The following DPYD variants were observed in gnomAD, a reference collection of about 807,000 sequenced individuals.
The protein encoded by DPYD is dihydropyrimidine dehydrogenase.
A neutral mutation model predicts 116.2 loss-of-function variants in DPYD; 109 were observed. The observed-to-expected ratio is 0.94, with a 90% CI of 0.80 to 1.10. DPYD has a LOEUF of 1.10. Among genes scored for constraint, DPYD ranks in the 50% least tolerant of loss-of-function variants. DPYD has a pLI of 0.00. For missense variants in DPYD, 1,302 were observed against 1,254.5 expected, an observed-to-expected ratio of 1.04 and a Z score of -0.57; for synonymous variants, 440 against 432.0, an observed-to-expected ratio of 1.02 and a Z score of -0.23.
chr1:97,579,158 C>G (rs1293522488), intron 10 of DPYD, among the ~76,000 whole-genome samples: 1 of 152,090 alleles, frequency 6.6e-6, no homozygotes, highest in African/African-American at 2.4e-5. Context: ...ATATGCCAGT[C>G]AATAAGCCAA....
At chr1:97,757,589 C>T (rs759502088) in intron 3 of DPYD, among the ~76,000 whole-genome samples, 10 of 152,072 alleles carry the variant, frequency 6.6e-5, no homozygotes, top group Non-Finnish European at 8.8e-5. Flanking sequence ...TGAGGATATG[C>T]GTTCCTATCT....
chr1:97,105,930 T>G (rs1471455653), intron 20 of DPYD, among the ~76,000 whole-genome samples: 1 of 152,160 alleles, frequency 6.6e-6, no homozygotes, highest in East Asian at 1.9e-4. Context: ...GAGCTTATCC[T>G]TATATGGCTA....
Position 97,314,787 on chromosome 1 carries a change from C to T in DPYD, c.2059-8490G>A, listed in dbSNP as rs532941579. Among the ~76,000 whole-genome samples the T allele has an allele frequency of 1.1e-3, 172 of 152,104 alleles. 2 individuals are homozygous for T. Among genetic ancestry groups the T allele is most frequent in the Non-Finnish European group, 1.7e-3 (118 of 67,932 alleles). On this transcript the variant is annotated intron_variant, in intron 16 of 22. Coordinates refer to ENST00000370192, the MANE Select transcript of DPYD (RefSeq NM_000110.4). ...CCGGCTAATCCCAACAGGAAATCCA[C>T]GGCCTCACCTGGCCATGGTAATGAA... is the stretch of plus-strand genomic sequence containing the variant.
intron 22 of DPYD, among the ~76,000 whole-genome samples, chr1:97,081,429 A>T (rs987294884): frequency 2.0e-5 from 3 of 152,080 alleles, no homozygotes; most frequent in African/African-American, 7.2e-5. Flanking sequence ...TCTACTTCTT[A>T]AGAAATTCTT....
intron 16 of DPYD, 52 bp from the exon 17 acceptor site, chr1:97,306,349 A>G (rs199930652): frequency 3.7e-6 from 6 of 1,609,162 alleles, no homozygotes; most frequent in Non-Finnish European, 5.1e-6. Context: ...ATTGTGATCA[A>G]AATGTGTACT....
At chr1:97,658,901 T>C (rs1181074826) in intron 8 of DPYD, among the ~76,000 whole-genome samples, 1 of 152,174 alleles carries the variant, frequency 6.6e-6, no homozygotes, top group African/African-American at 2.4e-5. Flanking sequence ...ATAATGCTAG[T>C]TCACTGAACA....
chr1:97,546,684 T>C, intron 12 of DPYD: 3 of 1,613,012 alleles, frequency 1.9e-6, no homozygotes, highest in Non-Finnish European at 1.7e-6. Flanking sequence ...CCATGCCATA[T>C]CATGTGTGTA....
chr1:97,285,650 T>C lies in DPYD; in HGVS notation c.2299+19609A>G, dbSNP rs951243287. ...GAAAATTTCTTGGCCATTCTGACAA[T>C]TGGCTGAAAGTCAACTTTTTATTGT... On this transcript the variant is annotated intron_variant, in intron 18 of 22. Transcript: ENST00000370192. Among the ~76,000 whole-genome samples the C allele has an allele frequency of 9.2e-5, 14 of 151,870 alleles. 1 individual carries two copies. The East Asian group carries it at 2.5e-3, about 27-fold the overall frequency.
At chr1:97,797,327 A>T (rs2101309299) in intron 3 of DPYD, 1 of 152,298 alleles carries the variant, frequency 6.6e-6, no homozygotes, top group East Asian at 1.9e-4. Context: ...ATATTTTTTG[A>T]AATAATTTTG....
chr1:97,817,205 G>T (rs953765681), intron 3 of DPYD, among the ~76,000 whole-genome samples: 1 of 152,050 alleles, frequency 6.6e-6, no homozygotes, highest in Admixed American at 6.6e-5. Flanking sequence ...ATGTAGCCCA[G>T]AAAGCTAAAA....
chr1:97,251,529 C>G (rs887316831), intron 18 of DPYD, among the ~76,000 whole-genome samples: 4 of 151,708 alleles, frequency 2.6e-5, no homozygotes, highest in Non-Finnish European at 5.9e-5. Flanking sequence ...CTTAGATGAC[C>G]CAGTGAGAGC....
At chr1:97,699,237 TA>T (rs1661460366) in intron 6 of DPYD, 113 bp downstream of exon 6, 1 of 1,128,460 alleles carries the variant, frequency 8.9e-7, no homozygotes, top group East Asian at 2.5e-5. Context: ...AAAGAACATT[TA>T]AAATACCATC....
At chr1:97,650,896 T>C (rs1161747911) in intron 8 of DPYD, among the ~76,000 whole-genome samples, 1 of 152,042 alleles carries the variant, frequency 6.6e-6, no homozygotes, top group Non-Finnish European at 1.5e-5. Flanking sequence ...GTACTTAAGA[T>C]AGTACCATTC....
At chr1:97,711,543 A>G (rs1481267733) in intron 5 of DPYD, among the ~76,000 whole-genome samples, 1 of 151,986 alleles carries the variant, frequency 6.6e-6, no homozygotes, top group African/African-American at 2.4e-5. Flanking sequence ...GTCAGGGACT[A>G]TAAGTCACTG....
chr1:97,739,898 T>C (rs1369447918), intron 4 of DPYD, among the ~76,000 whole-genome samples: 1 of 152,118 alleles, frequency 6.6e-6, no homozygotes, highest in African/African-American at 2.4e-5. Context: ...CTTCTAATTT[T>C]AGTTGTGTAT....
chr1:97,107,088 C>T (rs568427377), intron 20 of DPYD, among the ~76,000 whole-genome samples: 37 of 152,184 alleles, frequency 2.4e-4, no homozygotes, highest in Middle Eastern at 3.4e-3. Flanking sequence ...ATCTTCACTC[C>T]CACACTGCCT....
At chr1:97,717,400 G>T (rs1253199708) in intron 5 of DPYD, among the ~76,000 whole-genome samples, 1 of 152,036 alleles carries the variant, frequency 6.6e-6, no homozygotes, top group African/African-American at 2.4e-5. Flanking sequence ...TTGCTTGTCA[G>T]TTCCATTCTC....
chr1:97,338,858 G>T (rs1436581793), intron 16 of DPYD, among the ~76,000 whole-genome samples: 1 of 152,076 alleles, frequency 6.6e-6, no homozygotes, highest in Admixed American at 6.6e-5. Context: ...AAGAAAAATT[G>T]CTACCTATTT....
chr1:97,837,770 A>G (rs1571443648), intron 2 of DPYD, among the ~76,000 whole-genome samples: 1 of 152,270 alleles, frequency 6.6e-6, no homozygotes, highest in East Asian at 1.9e-4. Context: ...ATCCTGAAAA[A>G]CCAAATGCTT....
Sources: gnomAD v4.1 joint callset for allele counts (sites outside exome capture counted in the v4.1 genomes callset) on GRCh38, gnomAD v4.1.1 for gene constraint, MANE v1.5 for transcripts, NCBI Gene and HGNC (gene_info 2026-07-23, HGNC 2026-07-21) for gene names.